TMEM232: variants seen among roughly 807,000 people sequenced by gnomAD.
TMEM232 encodes transmembrane protein 232.
TMEM232 carries 80 observed loss-of-function variants against 78.8 expected under a neutral mutation model. That is an observed-to-expected ratio of 1.01 (90% confidence interval 0.85 to 1.22). The LOEUF (loss-of-function observed/expected upper bound fraction) is 1.22. Among genes scored for constraint, TMEM232 ranks in the 50% most tolerant of loss-of-function variants. The pLI, the probability that TMEM232 is intolerant of heterozygous loss-of-function variation, is 0.00. For synonymous variants in TMEM232, 297 were observed against 254.3 expected (o/e 1.17, Z -1.60); for missense variants, 881 against 742.2 (o/e 1.19, Z -2.17).
At chr5:110,488,759 T>C (rs943522166) in intron 12 of TMEM232, among the ~76,000 whole-genome samples, 1 of 151,924 alleles carries the variant, frequency 6.6e-6, no homozygotes, top group Non-Finnish European at 1.5e-5. Flanking sequence ...AGAAAATCAA[T>C]AGAACGAAAA....
At chr5:110,735,474 A>T (rs1218226655) in intron 1 of TMEM232, among the ~76,000 whole-genome samples, 1 of 152,194 alleles carries the variant, frequency 6.6e-6, no homozygotes, top group African/African-American at 2.4e-5. Flanking sequence ...TGGGCTAAAA[A>T]TTTCCTTATT....
At chr5:110,509,054 A>G (rs1767371116) in intron 12 of TMEM232, among the ~76,000 whole-genome samples, 1 of 146,660 alleles carries the variant, frequency 6.8e-6, no homozygotes, top group African/African-American at 2.5e-5. Flanking sequence ...ATGTGTATAT[A>G]TGTATATATA....
intron 10 of TMEM232, among the ~76,000 whole-genome samples, chr5:110,575,412 G>T (rs952099867): frequency 2.0e-5 from 3 of 151,946 alleles, no homozygotes; most frequent in African/African-American, 4.8e-5. Flanking sequence ...ATGCCAAAAG[G>T]TAGATGAATA....
intron 12 of TMEM232, among the ~76,000 whole-genome samples, chr5:110,488,248 T>C (rs1026389554): frequency 7.9e-5 from 12 of 152,206 alleles, no homozygotes; most frequent in African/African-American, 2.9e-4. Flanking sequence ...CTCTCTTCTT[T>C]TCTTGGTTAA....
chr5:110,559,275 G>T (rs890066206), intron 11 of TMEM232, among the ~76,000 whole-genome samples: 1 of 152,066 alleles, frequency 6.6e-6, no homozygotes, highest in Admixed American at 6.6e-5. Flanking sequence ...TTCTGACCAT[G>T]GGGTAGGAAA....
At chr5:110,631,162 G>A (rs1014629604) in intron 5 of TMEM232, among the ~76,000 whole-genome samples, 1 of 152,210 alleles carries the variant, frequency 6.6e-6, no homozygotes, top group East Asian at 1.9e-4. Flanking sequence ...AAGGTGCTAC[G>A]GCGGCCCAGT....
At chr5:110,630,873 T>C (rs1040247804) in intron 5 of TMEM232, among the ~76,000 whole-genome samples, 55 of 152,148 alleles carry the variant, frequency 3.6e-4, no homozygotes, top group African/African-American at 1.2e-3. Flanking sequence ...ATCTGAACCA[T>C]GGCAGAGCTC....
chr5:110,649,627 T>C (rs1414072418), intron 2 of TMEM232, among the ~76,000 whole-genome samples: 13 of 152,176 alleles, frequency 8.5e-5, no homozygotes, highest in South Asian at 2.1e-4. Context: ...GTTGTTTTGA[T>C]AATTGCATTT....
chr5:110,643,054 A>C (rs1786965178), intron 2 of TMEM232, among the ~76,000 whole-genome samples: 1 of 152,048 alleles, frequency 6.6e-6, no homozygotes, highest in African/African-American at 2.4e-5. Context: ...GAATATAAAT[A>C]AGGAGAAGAG....
chr5:110,414,264 G>A (rs1290443597), intron 2 of TMEM232, among the ~76,000 whole-genome samples: 2 of 152,030 alleles, frequency 1.3e-5, no homozygotes, highest in Non-Finnish European at 2.9e-5. Context: ...ACATACAAGT[G>A]CATTATTTTT....
intron 1 of TMEM232, among the ~76,000 whole-genome samples, chr5:110,722,212 G>A (rs952422178): frequency 1.4e-4 from 22 of 152,020 alleles, no homozygotes; most frequent in African/African-American, 5.3e-4. Context: ...CTCACAAAAG[G>A]CTTGGCTGTT....
chr5:110,584,694 T>C (rs972467063), intron 10 of TMEM232, among the ~76,000 whole-genome samples: 1 of 152,102 alleles, frequency 6.6e-6, no homozygotes, highest in Non-Finnish European at 1.5e-5. Context: ...AGTGACACTA[T>C]AATTTTAGCA....
chr5:110,621,291 G>A lies in TMEM232; in HGVS notation c.769-2729C>T, dbSNP rs377602818. On this transcript the variant is annotated intron_variant, in intron 7 of 13. Coordinates refer to ENST00000455884, the MANE Select transcript of TMEM232 (RefSeq NM_001039763.4). ...AATCATCACATATATCATCAGTGCA[G>A]AAGACCAAGAGTGAGCAATGTTGCT... Among the ~76,000 whole-genome samples, 6 of 152,240 alleles carry A rather than the reference G, an allele frequency of 3.9e-5. No individual in the cohort carries two copies. The East Asian group carries it at 1.2e-3, about 29-fold the overall frequency.
chr5:110,500,687 T>C (rs1470951365), intron 12 of TMEM232, among the ~76,000 whole-genome samples: 1 of 151,820 alleles, frequency 6.6e-6, no homozygotes, highest in African/African-American at 2.4e-5. Flanking sequence ...GACAATAATA[T>C]AAGGGAAAAA....
intron 12 of TMEM232, among the ~76,000 whole-genome samples, chr5:110,518,780 T>G (rs2149492669): frequency 6.6e-6 from 1 of 152,324 alleles, no homozygotes; most frequent in East Asian, 1.9e-4. Flanking sequence ...GGAACTTAAA[T>G]AATGATTTAG....
At chr5:110,516,929 A>G (rs1768758713) in intron 12 of TMEM232, among the ~76,000 whole-genome samples, 1 of 152,156 alleles carries the variant, frequency 6.6e-6, no homozygotes, top group Non-Finnish European at 1.5e-5. Context: ...AAATTTTCAG[A>G]TTTTCACACT....
At chr5:110,565,445 T>G (rs1041724160) in intron 11 of TMEM232, among the ~76,000 whole-genome samples, 13 of 151,978 alleles carry the variant, frequency 8.6e-5, no homozygotes, top group Non-Finnish European at 1.9e-4. Flanking sequence ...GTAGGTTCTG[T>G]GCTCTCAAAA....
At chr5:110,637,946 G>T in intron 5 of TMEM232, among the ~76,000 whole-genome samples, 1 of 151,930 alleles carries the variant, frequency 6.6e-6, no homozygotes, top group East Asian at 1.9e-4. Context: ...CAGTTAAGTA[G>T]AAGTATATTG....
intron 12 of TMEM232, among the ~76,000 whole-genome samples, chr5:110,439,633 A>C (rs980189255): frequency 6.6e-6 from 1 of 152,000 alleles, no homozygotes; most frequent in Non-Finnish European, 1.5e-5. Context: ...TGGTTTCCAT[A>C]TACAGTTCCT....
Sources: allele counts gnomAD v4.1 joint callset (sites outside exome capture counted in the v4.1 genomes callset), GRCh38; gene constraint gnomAD v4.1.1; transcripts MANE v1.5; gene names NCBI Gene and HGNC (gene_info 2026-07-23, HGNC 2026-07-21).